The following SLC25A13 variants were observed in gnomAD, a reference collection of about 807,000 sequenced individuals.
SLC25A13 encodes solute carrier family 25 member 13.
Under a neutral mutation model 85.5 loss-of-function variants are expected in SLC25A13, and 70 were observed. The ratio of observed to expected loss-of-function variants is 0.82; its 90% CI spans 0.68 to 1.00. SLC25A13 has a LOEUF of 1.00. Among genes scored for constraint, SLC25A13 ranks in the 50% least tolerant of loss-of-function variants. SLC25A13 has a pLI of 0.00. For synonymous variants in SLC25A13, 259 were observed against 288.7 expected (o/e 0.90, Z 1.04); for missense variants, 765 against 819.8 (o/e 0.93, Z 0.82).
At chr7:96,289,955 C>T (rs1334747012) in intron 2 of SLC25A13, among the ~76,000 whole-genome samples, 1 of 152,112 alleles carries the variant, frequency 6.6e-6, no homozygotes, top group Non-Finnish European at 1.5e-5. Flanking sequence ...AGACACATAA[C>T]TGTCAGATTC....
At chr7:96,285,466 A>T (rs1483487456) in intron 2 of SLC25A13, among the ~76,000 whole-genome samples, 1 of 152,044 alleles carries the variant, frequency 6.6e-6, no homozygotes, top group Non-Finnish European at 1.5e-5. Flanking sequence ...TACTCCTTCA[A>T]CCTGCAGAGG....
rs1344515450 is a variant in SLC25A13, at chr7:96,191,178, T to C, written c.685A>G (p.Asn229Asp). Residue 229 changes from asparagine to aspartate, a missense_variant, in exon 7 of 18, where the codon AAC becomes GAC. Asn to Asp is a conservative substitution (Grantham distance 23). Coordinates refer to ENST00000265631, the MANE Select transcript of SLC25A13 (RefSeq NM_014251.3). ...YFNGFNSLLNNMELIRKIYST... is the reference protein window; with the variant it reads ...YFNGFNSLLNDMELIRKIYST... ...TAGATCTTTCTAATGAGTTCCATGT[T>C]GTTAAGGAGCGAATTAAATCCATTA... is the stretch of plus-strand genomic sequence containing the variant. 6.2e-7 allele frequency: 1 copy of C among 1,613,968 alleles called. No individual in the cohort carries two copies. Among genetic ancestry groups the C allele is most frequent in the Non-Finnish European group, 8.5e-7 (1 of 1,179,996 alleles).
At chr7:96,206,836 T>C (rs930959977) in intron 5 of SLC25A13, among the ~76,000 whole-genome samples, 1 of 152,224 alleles carries the variant, frequency 6.6e-6, no homozygotes, top group Non-Finnish European at 1.5e-5. Flanking sequence ...GAGGCTGCTG[T>C]GAGCAGTTGA....
chr7:96,201,845 T>G (rs1273039946), intron 5 of SLC25A13, among the ~76,000 whole-genome samples: 1 of 152,134 alleles, frequency 6.6e-6, no homozygotes, highest in Non-Finnish European at 1.5e-5. Context: ...TTGAAATTGT[T>G]GCCTTACACC....
intron 5 of SLC25A13, among the ~76,000 whole-genome samples, chr7:96,207,513 T>G (rs1186296880): frequency 6.6e-6 from 1 of 152,122 alleles, no homozygotes; most frequent in Non-Finnish European, 1.5e-5. Flanking sequence ...AATTGAAAAT[T>G]TTCCTCAAGA....
intron 1 of SLC25A13, among the ~76,000 whole-genome samples, chr7:96,311,748 T>C (rs1196140578): frequency 6.6e-6 from 1 of 151,886 alleles, no homozygotes; most frequent in African/African-American, 2.4e-5. Context: ...CTCAGACAAA[T>C]ATATATATAT....
intron 14 of SLC25A13, among the ~76,000 whole-genome samples, chr7:96,134,407 T>G (rs920057585): frequency 1.3e-5 from 2 of 152,068 alleles, no homozygotes; most frequent in Non-Finnish European, 2.9e-5. Context: ...AAACAGTCAC[T>G]AATTTTGTAT....
chr7:96,218,404 T>C (rs1024754060), intron 4 of SLC25A13, among the ~76,000 whole-genome samples: 27 of 152,184 alleles, frequency 1.8e-4, no homozygotes, highest in African/African-American at 6.3e-4. Context: ...AGATATTTAA[T>C]TGGCAAATTA....
At chr7:96,193,434 G>A (rs191764100) in intron 5 of SLC25A13, among the ~76,000 whole-genome samples, 2 of 152,116 alleles carry the variant, frequency 1.3e-5, no homozygotes, top group African/African-American at 2.4e-5. Flanking sequence ...AATTACTTCC[G>A]TGCTCTCTAG....
intron 9 of SLC25A13, 148 bp downstream of exon 9, chr7:96,189,146 A>G: frequency 1.4e-6 from 1 of 731,024 alleles, no homozygotes; most frequent in Non-Finnish European, 2.4e-6. Context: ...TTCTCTTTAC[A>G]GCCTTTAAAA....
chr7:96,295,140 T>C (rs908290324), intron 2 of SLC25A13, among the ~76,000 whole-genome samples: 28 of 152,128 alleles, frequency 1.8e-4, no homozygotes, highest in African/African-American at 6.5e-4. Flanking sequence ...GCAGATCACC[T>C]GAGGTCAGGA....
chr7:96,229,394 A>G (rs1408076315), intron 4 of SLC25A13, among the ~76,000 whole-genome samples: 16 of 152,106 alleles, frequency 1.1e-4, no homozygotes, highest in African/African-American at 3.4e-4. Context: ...TCTGTAAAAC[A>G]GACCAATCAG....
chr7:96,265,824 G>C (rs529456339), intron 3 of SLC25A13, among the ~76,000 whole-genome samples: 1 of 152,254 alleles, frequency 6.6e-6, no homozygotes, highest in African/African-American at 2.4e-5. Flanking sequence ...TAGGAGTTGG[G>C]AAGTCCAAGA....
chr7:96,151,171 T>C (rs943689165), intron 13 of SLC25A13, among the ~76,000 whole-genome samples: 18 of 152,160 alleles, frequency 1.2e-4, no homozygotes, highest in African/African-American at 4.1e-4. Context: ...ATGGGTAATA[T>C]ACCCAGCATC....
intron 4 of SLC25A13, among the ~76,000 whole-genome samples, chr7:96,220,892 C>A (rs543622411): frequency 6.6e-6 from 1 of 152,282 alleles, no homozygotes; most frequent in Admixed American, 6.5e-5. Context: ...AACCTTCAGG[C>A]AGTAGTTAAC....
intron 4 of SLC25A13, among the ~76,000 whole-genome samples, chr7:96,213,927 T>A (rs1795792232): frequency 6.6e-6 from 1 of 152,210 alleles, no homozygotes; most frequent in Non-Finnish European, 1.5e-5. Flanking sequence ...GAATGCTTAT[T>A]TTTTAAAGTA....
rs893420397 is a variant in SLC25A13 at position 96,283,556 on chromosome 7, C to A, written c.70-6218G>T. On this transcript the variant is annotated intron_variant, in intron 2 of 17. Coordinates refer to ENST00000265631, the MANE Select transcript of SLC25A13 (RefSeq NM_014251.3). ...GGCAAAAGTAGAGGAGTCTACAATGCCCCCAGCATGCTGTTGGCACTGTTG... is the reference window on the plus strand; with the variant it reads ...GGCAAAAGTAGAGGAGTCTACAATGACCCCAGCATGCTGTTGGCACTGTTG... The A allele has an allele frequency of 1.5e-5, 5 of 343,654 alleles. No homozygotes were observed. In the Admixed American group the frequency reaches 1.5e-4, roughly 11 times the overall value. The allele number at this position is 343,654 out of a possible 1,614,324, so 21.3% of individuals were successfully genotyped here.
rs934980549 is a variant in SLC25A13, at chr7:96,207,155, C to T, written c.468+1683G>A. Among the ~76,000 whole-genome samples the T allele has an allele frequency of 5.3e-5, 8 of 152,122 alleles. 1 individual carries two copies. The highest frequency in any genetic ancestry group is 2.1e-4 in the South Asian group (1 of 4,834). On this transcript the variant is annotated intron_variant, in intron 5 of 17. Coordinates refer to ENST00000265631, the MANE Select transcript of SLC25A13 (RefSeq NM_014251.3). ...GAAAACAGGGATTCACAGACATTAA[C>T]GCTTTGTTTTTAAAAAATACAAAGG...
At chr7:96,321,902 C>G in intron 1 of SLC25A13, 40 bp downstream of exon 1, 5 of 1,523,852 alleles carry the variant, frequency 3.3e-6, no homozygotes, top group Non-Finnish European at 4.4e-6. Flanking sequence ...CCAGGCTGAT[C>G]CGGCAGGCGC....
Sources: gnomAD v4.1 joint callset for allele counts (sites outside exome capture counted in the v4.1 genomes callset) on GRCh38, gnomAD v4.1.1 for gene constraint, MANE v1.5 for transcripts, NCBI Gene and HGNC (gene_info 2026-07-23, HGNC 2026-07-21) for gene names.